Variants in EIF2AK3 observed in about 807,000 individuals in gnomAD.
EIF2AK3 encodes eukaryotic translation initiation factor 2 alpha kinase 3, also known as eukaryotic translation initiation factor 2-alpha kinase 3.
Under a neutral mutation model 113.5 loss-of-function variants are expected in EIF2AK3, and 50 were observed. The ratio of observed to expected loss-of-function variants is 0.44; its 90% CI spans 0.35 to 0.56. The LOEUF is 0.56. Ranked by LOEUF, EIF2AK3 falls within the 20% of genes least tolerant of loss-of-function variation. The pLI, the probability that EIF2AK3 is intolerant of heterozygous loss-of-function variation, is 0.00. For missense variants in EIF2AK3, 1,185 were observed against 1,378.0 expected (o/e 0.86, Z 2.22); for synonymous variants, 448 against 495.4 (o/e 0.90, Z 1.27).
At chr2:88,616,258 ACTGT>A (rs950818820) in intron 1 of EIF2AK3, among the ~76,000 whole-genome samples, 4 of 152,004 alleles carry the variant, frequency 2.6e-5, no homozygotes, top group Non-Finnish European at 5.9e-5. Context: ...CCTGATTTAG[ACTGT>A]CTAACAGGCT....
At position 88,627,322 on chromosome 2, in the gene EIF2AK3, T is replaced by C; in HGVS notation, c.-48A>G. On this transcript the variant is annotated 5_prime_UTR_variant, in exon 1 of 17. Coordinates refer to ENST00000303236, the MANE Select transcript of EIF2AK3 (RefSeq NM_004836.7). ...GCATGGAGGCGCAGCCACTGACGCC[T>C]GCCTCTCCCGCCGCTTGGAGCTCCC... The C allele has an allele frequency of 1.4e-6, 2 of 1,441,796 alleles. No homozygotes were observed. The highest frequency in any genetic ancestry group is 1.8e-6 in the Non-Finnish European group (2 of 1,098,902). 89.3% of individuals were successfully genotyped at this position (1,441,796 alleles called of 1,614,324 possible).
In EIF2AK3 at chr2:88,559,598, A is replaced by G. The variant is rs189806784; in HGVS notation, c.3088-619T>C. Reference sequence around the variant, plus strand: ...TATGTGTGGAGGGAGGGAGAAAGAGAAAGGGGAGAGAGAGAGAGAGAAAGG... The same window carrying G: ...TATGTGTGGAGGGAGGGAGAAAGAGGAAGGGGAGAGAGAGAGAGAGAAAGG... On this transcript the variant is annotated intron_variant, in intron 15 of 16. Coordinates refer to ENST00000303236, the MANE Select transcript of EIF2AK3 (RefSeq NM_004836.7). 2.0e-5 allele frequency among the ~76,000 whole-genome samples: 3 copies of G among 151,780 alleles called. No individual in the cohort carries two copies. In the East Asian group the frequency reaches 5.8e-4, roughly 29 times the overall value.
At chr2:88,606,132 T>G (rs1675266076) in intron 2 of EIF2AK3, among the ~76,000 whole-genome samples, 1 of 152,184 alleles carries the variant, frequency 6.6e-6, no homozygotes, top group African/African-American at 2.4e-5. Flanking sequence ...TTCACTAATT[T>G]AATCAACCTA....
chr2:88,570,016 A>ATT (rs933923168), intron 14 of EIF2AK3, among the ~76,000 whole-genome samples: 2 of 145,234 alleles, frequency 1.4e-5, no homozygotes, highest in Non-Finnish European at 1.5e-5. Flanking sequence ...TGTCACTCTA[A>ATT]TTTTTTTTTT....
chr2:88,623,591 A>G (rs1366746546), intron 1 of EIF2AK3, among the ~76,000 whole-genome samples: 2 of 152,232 alleles, frequency 1.3e-5, no homozygotes, highest in East Asian at 1.9e-4. Flanking sequence ...ACAGCTGTTC[A>G]TAGTAAACGC....
chr2:88,575,531 C>T, intron 12 of EIF2AK3, 85 bp from the exon 13 acceptor site: 1 of 1,463,660 alleles, frequency 6.8e-7, no homozygotes, highest in Non-Finnish European at 9.4e-7. Context: ...TAAAAAGCTT[C>T]AACTGTAATA....
Position 88,588,832 on chromosome 2 carries a change from T to C in EIF2AK3, c.1235A>G (p.Lys412Arg). 2 of 1,613,850 alleles carry C rather than the reference T, an allele frequency of 1.2e-6. No homozygotes were observed. The highest frequency in any genetic ancestry group is 1.1e-5 in the South Asian group (1 of 91,072). Residue 412 changes from lysine to arginine, a missense_variant, in exon 7 of 17, where the codon AAG (lysine) becomes AGG (arginine). By Grantham distance (26) the Lys-to-Arg change is conservative. Coordinates refer to ENST00000303236, the MANE Select transcript of EIF2AK3 (RefSeq NM_004836.7). ...TTCATTAGTGACAGATTCCAAAGCC[T>C]TGGGACTTGAAGGAAACTTTTCTGA... Reference protein sequence around the residue: ...RISEKFPSSPKALESVTNENA... With the variant: ...RISEKFPSSPRALESVTNENA...
intron 14 of EIF2AK3, among the ~76,000 whole-genome samples, chr2:88,570,238 A>G (rs1250114854): frequency 6.6e-6 from 1 of 152,204 alleles, no homozygotes; most frequent in African/African-American, 2.4e-5. Context: ...TACAAGTGTA[A>G]GTATGTACTG....
chr2:88,621,645 C>T (rs1191910591), intron 1 of EIF2AK3, among the ~76,000 whole-genome samples: 7 of 152,086 alleles, frequency 4.6e-5, no homozygotes. Context: ...ACTTCCTGGT[C>T]CTCACCTACT....
intron 14 of EIF2AK3, among the ~76,000 whole-genome samples, chr2:88,567,125 ATATAAT>A (rs1000879732): frequency 1.4e-4 from 22 of 152,178 alleles, no homozygotes; most frequent in East Asian, 5.8e-4. Context: ...ATGAAAGTAA[ATATAAT>A]TATAATTTAT....
chr2:88,587,720 A>G lies in EIF2AK3; in HGVS notation c.1429+262T>C, dbSNP rs1003404907. 3.3e-5 allele frequency among the ~76,000 whole-genome samples: 5 copies of G among 152,210 alleles called. No individual in the cohort carries two copies. In the East Asian group the frequency reaches 5.8e-4, roughly 18 times the overall value. On this transcript the variant is annotated intron_variant, in intron 8 of 16. Coordinates refer to ENST00000303236, the MANE Select transcript of EIF2AK3 (RefSeq NM_004836.7). ...TTTAGGCCTCACAACAACTCAATAC[A>G]TAGATATTAGGATTATTATTCTAAT...
chr2:88,608,270 T>C (rs1157373777), intron 2 of EIF2AK3, among the ~76,000 whole-genome samples: 1 of 152,190 alleles, frequency 6.6e-6, no homozygotes, highest in Non-Finnish European at 1.5e-5. Flanking sequence ...TTGTGCTATG[T>C]GGCCCAGGCT....
chr2:88,566,280 T>G (rs1320369617), intron 14 of EIF2AK3, among the ~76,000 whole-genome samples: 1 of 152,184 alleles, frequency 6.6e-6, no homozygotes, highest in African/African-American at 2.4e-5. Context: ...CCTATAGATT[T>G]CACTATTTTT....
At chr2:88,575,628 T>A in intron 12 of EIF2AK3, 182 bp from the exon 13 acceptor site, 1 of 698,064 alleles carries the variant, frequency 1.4e-6, no homozygotes, top group Non-Finnish European at 2.4e-6. Context: ...TTCCATTCAT[T>A]CCTTCTAAAA....
chr2:88,627,650 AT>A, upstream of EIF2AK3: 2 of 210,166 alleles, frequency 9.5e-6, no homozygotes. Context: ...TCCGGACGCA[AT>A]TACCAATGAG....
chr2:88,571,102 G>T, intron 13 of EIF2AK3, 61 bp from the exon 14 acceptor site: 3 of 1,563,276 alleles, frequency 1.9e-6, no homozygotes, highest in Non-Finnish European at 2.6e-6. Flanking sequence ...AAAGTAAAGA[G>T]AATTATTTAA....
chr2:88,589,052 T>C, intron 6 of EIF2AK3, 151 bp from the exon 7 acceptor site: 1 of 919,984 alleles, frequency 1.1e-6, no homozygotes, highest in Non-Finnish European at 1.6e-6. Context: ...AAAGATAAAC[T>C]CAATGTTTAT....
chr2:88,620,044 A>T (rs918273963), intron 1 of EIF2AK3, among the ~76,000 whole-genome samples: 1 of 151,970 alleles, frequency 6.6e-6, no homozygotes, highest in Non-Finnish European at 1.5e-5. Flanking sequence ...ACACCTTAAA[A>T]TGCTTTCTAA....
At chr2:88,604,299 T>C (rs1048295125) in intron 2 of EIF2AK3, among the ~76,000 whole-genome samples, 1 of 152,164 alleles carries the variant, frequency 6.6e-6, no homozygotes, top group African/African-American at 2.4e-5. Context: ...CTCATTCCTG[T>C]TGCCATCCTC....
Sources: allele counts gnomAD v4.1 joint callset (sites outside exome capture counted in the v4.1 genomes callset), GRCh38; gene constraint gnomAD v4.1.1; transcripts MANE v1.5; gene names NCBI Gene and HGNC (gene_info 2026-07-23, HGNC 2026-07-21).